Variants in NALCN observed in about 807,000 individuals in gnomAD.
NALCN encodes sodium leak channel, non-selective.
Under a neutral mutation model 225.3 loss-of-function variants are expected in NALCN, and 111 were observed. The observed-to-expected ratio is 0.49, with a 90% CI of 0.42 to 0.58. The LOEUF (loss-of-function observed/expected upper bound fraction) is 0.58. NALCN is among the 20% of genes least tolerant of loss of function. The probability of loss-of-function intolerance (pLI) is 0.00; values close to 1 mark genes in which losing one functional copy is unlikely to be tolerated. For synonymous variants in NALCN, 764 were observed against 769.0 expected (o/e 0.99, Z 0.11); for missense variants, 1,378 against 2,202.4 (o/e 0.63, Z 7.49).
At chr13:101,370,209 G>C (rs1555342830) in intron 6 of NALCN, among the ~76,000 whole-genome samples, 1 of 150,400 alleles carries the variant, frequency 6.6e-6, no homozygotes, top group Non-Finnish European at 1.5e-5. Flanking sequence ...GACAAAAATA[G>C]AAAAAAAAAT....
chr13:101,142,870 C>A (rs1299471181), intron 17 of NALCN: 2 of 580,684 alleles, frequency 3.4e-6, no homozygotes, highest in Admixed American at 5.9e-5. Flanking sequence ...TGCCACGTGG[C>A]GCAGCTCAAA....
chr13:101,237,304 T>G (rs1248255017), intron 12 of NALCN, among the ~76,000 whole-genome samples: 1 of 152,100 alleles, frequency 6.6e-6, no homozygotes, highest in Non-Finnish European at 1.5e-5. Context: ...TTTATAAACC[T>G]TTAATATTTT....
Position 101,083,109 on chromosome 13 carries a change from C to G in NALCN, c.3673G>C (p.Val1225Leu). 6.2e-7 allele frequency: 1 copy of G among 1,614,136 alleles called. No individual in the cohort carries two copies. Among genetic ancestry groups the G allele is most frequent in the Non-Finnish European group, 8.5e-7 (1 of 1,179,990 alleles). ...CGAAGTACCTTGACAGAGAGCAACA[C>G]CGACTGGGCCAGGACGAGTAATGCG... ...TIALLVLAQS[V>L]LLSVKWDVED... The change falls in exon 32 of 44, where the codon GTG becomes CTG. Residue 1225 changes from valine to leucine, a missense_variant. Transcript: ENST00000251127.
Position 101,129,116 on chromosome 13 carries a change from A to G in NALCN, c.2119-4435T>C, listed in dbSNP as rs114287572. On this transcript the variant is annotated intron_variant, in intron 17 of 43. Coordinates refer to ENST00000251127, the MANE Select transcript of NALCN (RefSeq NM_052867.4). ...TCCCTTGACTTCATTCCGTTTGCAA[A>G]ACTGTCATTTCTTTTTCATTTATTA... Among the ~76,000 whole-genome samples, 478 of 152,170 alleles carry G rather than the reference A, an allele frequency of 3.1e-3. 4 individuals are homozygous for G. Among genetic ancestry groups the G allele is most frequent in the African/African-American group, 0.011 (440 of 41,508 alleles).
At chr13:101,183,310 T>C (rs1423995644) in intron 14 of NALCN, among the ~76,000 whole-genome samples, 2 of 152,230 alleles carry the variant, frequency 1.3e-5, no homozygotes, top group Non-Finnish European at 2.9e-5. Flanking sequence ...TAAAGGAATT[T>C]TACAGGGACT....
At chr13:101,328,245 G>C (rs564272292) in intron 7 of NALCN, among the ~76,000 whole-genome samples, 330 of 152,302 alleles carry the variant, frequency 2.2e-3, no homozygotes, top group African/African-American at 7.7e-3. Context: ...CCCAATGAAA[G>C]TCTCCATGCA....
chr13:101,155,865 T>A (rs2139843131), intron 15 of NALCN, among the ~76,000 whole-genome samples: 1 of 152,374 alleles, frequency 6.6e-6, no homozygotes. Flanking sequence ...CATCAGCTCT[T>A]GTCTGTGGCA....
Position 101,067,736 on chromosome 13 carries a change from G to A in NALCN, c.4446+182C>T, listed in dbSNP as rs76173802. On this transcript the variant is annotated intron_variant, in intron 39 of 43. Transcript: ENST00000251127. Reference sequence around the variant, plus strand: ...ATGTTCATGGTTGAAGATCATGTAAGGAGGAACGATGCTGTCTCCCTTCCT... The same window carrying A: ...ATGTTCATGGTTGAAGATCATGTAAAGAGGAACGATGCTGTCTCCCTTCCT... Among the ~76,000 whole-genome samples the A allele has an allele frequency of 9.9e-3, 1,509 of 152,286 alleles. 13 individuals carry two copies. Among genetic ancestry groups the A allele is most frequent in the Non-Finnish European group, 0.017 (1,171 of 68,028 alleles).
chr13:101,255,763 T>C (rs558778240), intron 11 of NALCN, among the ~76,000 whole-genome samples: 36 of 152,368 alleles, frequency 2.4e-4, no homozygotes, highest in Middle Eastern at 3.4e-3. Flanking sequence ...ACTTTCTGTC[T>C]GTGCCTCAAC....
intron 13 of NALCN, among the ~76,000 whole-genome samples, chr13:101,227,655 G>C (rs187300811): frequency 1.3e-5 from 2 of 152,150 alleles, no homozygotes; most frequent in African/African-American, 4.8e-5. Flanking sequence ...TCCCTCCCCT[G>C]TATGTAAGCC....
At chr13:101,320,196 C>A (rs572490865) in intron 7 of NALCN, among the ~76,000 whole-genome samples, 2 of 152,206 alleles carry the variant, frequency 1.3e-5, no homozygotes, top group Non-Finnish European at 2.9e-5. Flanking sequence ...GCAAGTCTTA[C>A]ACGTATGCGA....
chr13:101,355,301 G>C (rs114404094), intron 6 of NALCN, among the ~76,000 whole-genome samples: 4,879 of 151,412 alleles, frequency 0.032, 269 homozygotes, highest in African/African-American at 0.11. Context: ...TCAGGGGACC[G>C]ATCTCATGTG....
At chr13:101,401,825 A>T (rs1180268703) in intron 1 of NALCN, among the ~76,000 whole-genome samples, 6 of 152,100 alleles carry the variant, frequency 3.9e-5, no homozygotes, top group Non-Finnish European at 7.4e-5. Flanking sequence ...ATACATAAAA[A>T]CTCAACAACT....
intron 3 of NALCN, among the ~76,000 whole-genome samples, chr13:101,383,864 C>T (rs940117998): frequency 4.6e-5 from 7 of 152,124 alleles, no homozygotes; most frequent in African/African-American, 1.7e-4. Context: ...TTATACATTA[C>T]CATGATTGTA....
At position 101,081,517 on chromosome 13, in the gene NALCN, C is replaced by A. The variant is rs1224321992; in HGVS notation, c.3885+10G>T. The A allele has an allele frequency of 6.2e-7, 1 of 1,613,942 alleles. No individual in the cohort carries two copies. The highest frequency in any genetic ancestry group is 1.3e-5 in the African/African-American group (1 of 75,020). On this transcript the variant is annotated intron_variant, in intron 34 of 43. Coordinates refer to ENST00000251127, the MANE Select transcript of NALCN (RefSeq NM_052867.4). The stretch of plus-strand genomic sequence containing the variant: ...TAATCAGCTGAAATCAACTTGACTT[C>A]TATGCTTACCAGGAGGGCAAAGTGA...
rs1219186884 is a variant in NALCN at position 101,111,236 on chromosome 13, A to G, written c.2193-10T>C. On this transcript the variant is annotated splice_polypyrimidine_tract_variant and intron_variant, in intron 18 of 43. Coordinates refer to ENST00000251127, the MANE Select transcript of NALCN (RefSeq NM_052867.4). ...CTGTCGGGTGCAAGCTCTAGGAAAA[A>G]AAAAGGAGCCCAAGATAAATGCATG... The G allele has an allele frequency of 6.3e-7, 1 of 1,577,720 alleles. No homozygotes were observed. The highest frequency in any genetic ancestry group is 2.3e-5 in the East Asian group (1 of 44,078).
intron 31 of NALCN, 46 bp downstream of exon 31, chr13:101,083,665 T>A (rs770032029): frequency 1.3e-6 from 2 of 1,568,906 alleles, no homozygotes; most frequent in Non-Finnish European, 1.8e-6. Flanking sequence ...TGGGGAATCG[T>A]GCACACTAGT....
At chr13:101,383,346 T>C (rs547690384) in intron 3 of NALCN, among the ~76,000 whole-genome samples, 1 of 152,248 alleles carries the variant, frequency 6.6e-6, no homozygotes, top group South Asian at 2.1e-4. Context: ...TTGGATCTGA[T>C]GGTGAAGTTT....
chr13:101,326,585 T>C (rs1204003369), intron 7 of NALCN, among the ~76,000 whole-genome samples: 2 of 152,248 alleles, frequency 1.3e-5, no homozygotes, highest in Non-Finnish European at 1.5e-5. Context: ...TGGAATGATT[T>C]GCATCTAAAT....
Sources: allele counts gnomAD v4.1 joint callset (sites outside exome capture counted in the v4.1 genomes callset), GRCh38; gene constraint gnomAD v4.1.1; transcripts MANE v1.5; gene names NCBI Gene and HGNC (gene_info 2026-07-23, HGNC 2026-07-21).